Variants in AXDND1 observed in about 807,000 individuals in gnomAD.
AXDND1 encodes the protein axonemal dynein light chain domain-containing protein 1.
A neutral mutation model predicts 137.5 loss-of-function variants in AXDND1; 110 were observed. That is an observed-to-expected ratio of 0.80 (90% confidence interval 0.69 to 0.94). AXDND1 has a LOEUF of 0.94. Among genes scored for constraint, AXDND1 ranks in the 40% least tolerant of loss-of-function variants. The pLI is 0.00. For missense variants in AXDND1, 1,191 were observed against 1,169.8 expected (o/e 1.02, Z -0.26); for synonymous variants, 414 against 399.7 (o/e 1.04, Z -0.43).
In AXDND1 at chr1:179,488,531, G is replaced by T. The variant is rs897729955; in HGVS notation, c.2092-3007G>T. Among the ~76,000 whole-genome samples, 16 of 147,666 alleles carry T rather than the reference G, an allele frequency of 1.1e-4. 1 individual carries two copies. The highest frequency in any genetic ancestry group is 6.7e-4 in the Admixed American group (10 of 15,012). ...TCCTCCCACCTTGGCCTCCCAAAGT[G>T]CTGGGATTACAGGCATGAGCCACCA... On this transcript the variant is annotated intron_variant, in intron 18 of 25. Coordinates refer to ENST00000367618, the MANE Select transcript of AXDND1 (RefSeq NM_144696.6).
At chr1:179,473,372 C>T (rs906047979) in intron 17 of AXDND1, among the ~76,000 whole-genome samples, 6 of 151,964 alleles carry the variant, frequency 3.9e-5, no homozygotes, top group Non-Finnish European at 8.8e-5. Context: ...GTGGTGGGTG[C>T]CTGTAATCCC....
chr1:179,427,370 A>G (rs1423851705), intron 12 of AXDND1, among the ~76,000 whole-genome samples: 1 of 96,970 alleles, frequency 1.0e-5, no homozygotes, highest in Non-Finnish European at 2.4e-5. Context: ...TAACAAATAT[A>G]TATTAATTTT....
At chr1:179,421,235 C>T (rs936648475) in intron 12 of AXDND1, among the ~76,000 whole-genome samples, 2 of 151,558 alleles carry the variant, frequency 1.3e-5, no homozygotes, top group African/African-American at 2.4e-5. Context: ...TAGTAAATTT[C>T]GAAGTCAGGT....
intron 12 of AXDND1, among the ~76,000 whole-genome samples, chr1:179,425,794 A>ATGTG (rs10610386): frequency 1.6e-5 from 2 of 124,518 alleles, no homozygotes; most frequent in African/African-American, 6.4e-5. Flanking sequence ...TGTCTCACAT[A>ATGTG]TGTGTGTGTG....
chr1:179,480,441 T>G (rs932038188), intron 17 of AXDND1, among the ~76,000 whole-genome samples: 1 of 152,178 alleles, frequency 6.6e-6, no homozygotes, highest in Admixed American at 6.5e-5. Flanking sequence ...CATGATTCAG[T>G]TATCTCCCAC....
At chr1:179,382,786 C>T (rs772312428) in intron 7 of AXDND1, 30 bp downstream of exon 7, 1 of 1,534,418 alleles carries the variant, frequency 6.5e-7, no homozygotes, top group Non-Finnish European at 9.0e-7. Context: ...TAAAGTCTTT[C>T]TCAGAAAGAA....
chr1:179,441,906 C>A (rs191687386), intron 15 of AXDND1, among the ~76,000 whole-genome samples: 81 of 152,342 alleles, frequency 5.3e-4, no homozygotes, highest in African/African-American at 1.8e-3. Flanking sequence ...AAGTTCACGC[C>A]AAGTGTTTCT....
chr1:179,508,187 T>A (rs1190592079), intron 20 of AXDND1, among the ~76,000 whole-genome samples: 6 of 151,886 alleles, frequency 4.0e-5, no homozygotes, highest in African/African-American at 1.5e-4. Flanking sequence ...AGTAAAAAAA[T>A]TAGCCAGGTA....
At chr1:179,518,315 G>A (rs1365182041) in intron 21 of AXDND1, among the ~76,000 whole-genome samples, 1 of 150,868 alleles carries the variant, frequency 6.6e-6, no homozygotes, top group Non-Finnish European at 1.5e-5. Context: ...CTTTTCTATT[G>A]ATCTGTCTAT....
In AXDND1 at chr1:179,421,367, CTTTTTTTTTTTT is replaced by C. The variant is rs199703017; in HGVS notation, c.1231-8133_1231-8122del. On this transcript the variant is annotated intron_variant, in intron 12 of 25. Coordinates refer to ENST00000367618, the MANE Select transcript of AXDND1 (RefSeq NM_144696.6). The stretch of plus-strand genomic sequence containing the variant: ...CTTCCTTCCTTTTCTTTTTCTTTTC[CTTTTTTTTTTTT>C]TTTTTTTTTTTTTTTTTGAGACAGA... 9.9e-3 allele frequency among the ~76,000 whole-genome samples: 1,059 copies of C among 107,154 alleles called. 10 individuals carry two copies. Among genetic ancestry groups the C allele is most frequent in the African/African-American group, 0.04 (976 of 24,246 alleles). 70.3% of individuals were successfully genotyped at this position (107,154 alleles called of 152,430 possible).
In AXDND1 at chr1:179,413,747, T is replaced by C. The variant is rs185747877; in HGVS notation, c.1230+2481T>C. Among the ~76,000 whole-genome samples, 18 of 152,328 alleles carry C rather than the reference T, an allele frequency of 1.2e-4. No individual in the cohort carries two copies. The East Asian group carries it at 3.5e-3, about 29-fold the overall frequency. ...TTTGATTAAATGATTTCTTTTCCTT[T>C]GGGTATATAACCACTAGTGGGATTG... On this transcript the variant is annotated intron_variant, in intron 12 of 25. Transcript: ENST00000367618.
intron 11 of AXDND1, among the ~76,000 whole-genome samples, chr1:179,402,099 G>A (rs1035796778): frequency 1.3e-5 from 2 of 150,400 alleles, no homozygotes; most frequent in Non-Finnish European, 2.9e-5. Flanking sequence ...TTGAACCTGG[G>A]AGGCGGAGGT....
chr1:179,515,687 T>A (rs1464465054), intron 21 of AXDND1, among the ~76,000 whole-genome samples: 1 of 152,200 alleles, frequency 6.6e-6, no homozygotes, highest in Non-Finnish European at 1.5e-5. Context: ...TTTAGATTTC[T>A]TTTCTTCCTC....
chr1:179,484,565 C>T (rs941143528), intron 18 of AXDND1, among the ~76,000 whole-genome samples: 4 of 152,164 alleles, frequency 2.6e-5, no homozygotes, highest in African/African-American at 9.7e-5. Context: ...CAGACCATGC[C>T]TGACCATTGG....
chr1:179,472,447 A>G (rs1236266447), intron 17 of AXDND1, among the ~76,000 whole-genome samples: 2 of 152,212 alleles, frequency 1.3e-5, no homozygotes, highest in East Asian at 1.9e-4. Flanking sequence ...TTTTCCATGT[A>G]CACTTGAGAA....
At chr1:179,437,524 G>T (rs1658341702) in intron 15 of AXDND1, among the ~76,000 whole-genome samples, 1 of 152,172 alleles carries the variant, frequency 6.6e-6, no homozygotes, top group South Asian at 2.1e-4. Context: ...ATAGCCGCCA[G>T]TGGAATGCTG....
rs1477530658 is a variant in AXDND1 at position 179,545,467 on chromosome 1, G to A, written c.3032-9045G>A. The A allele has an allele frequency of 5.3e-5, 8 of 152,094 alleles. No individual in the cohort carries two copies. The East Asian group carries it at 1.2e-3, about 22-fold the overall frequency. 9.4% of individuals were successfully genotyped at this position (152,094 alleles called of 1,614,324 possible). ...GGTCAGTTCCACTCTTTACCTCTGCGAAAAGAAAACATGAAATTCTTCAGA... is the reference window on the plus strand; with the variant it reads ...GGTCAGTTCCACTCTTTACCTCTGCAAAAAGAAAACATGAAATTCTTCAGA... On this transcript the variant is annotated intron_variant, in intron 25 of 25. Transcript: ENST00000367618.
intron 12 of AXDND1, among the ~76,000 whole-genome samples, chr1:179,416,825 G>A (rs1462752211): frequency 6.6e-6 from 1 of 152,098 alleles, no homozygotes; most frequent in Non-Finnish European, 1.5e-5. Context: ...CCTGTCTTGT[G>A]GCTACCCTAG....
At chr1:179,517,713 C>T (rs902740770) in intron 21 of AXDND1, among the ~76,000 whole-genome samples, 5 of 152,236 alleles carry the variant, frequency 3.3e-5, no homozygotes. Flanking sequence ...GCAAACCAGA[C>T]CTTCAGTTTC....
Sources: allele counts gnomAD v4.1 joint callset (sites outside exome capture counted in the v4.1 genomes callset), GRCh38; gene constraint gnomAD v4.1.1; transcripts MANE v1.5; gene names NCBI Gene and HGNC (gene_info 2026-07-23, HGNC 2026-07-21).